Variants in GABRB1 observed in about 807,000 individuals in gnomAD.
The protein encoded by GABRB1 is gamma-aminobutyric acid type A receptor subunit beta1, also known as gamma-aminobutyric acid receptor subunit beta-1.
GABRB1 carries 17 observed loss-of-function variants against 51.6 expected under a neutral mutation model. That is an observed-to-expected ratio of 0.33 (90% CI 0.23 to 0.49). The LOEUF (loss-of-function observed/expected upper bound fraction) is 0.49. Among genes scored for constraint, GABRB1 ranks in the 20% least tolerant of loss-of-function variants. The pLI is 0.99. For missense variants in GABRB1, 410 were observed against 600.6 expected, an observed-to-expected ratio of 0.68 and a Z score of 3.32; for synonymous variants, 247 against 218.9, an observed-to-expected ratio of 1.13 and a Z score of -1.14.
At chr4:47,032,827 C>G (rs773921939) in intron 3 of GABRB1, 1 of 482,932 alleles carries the variant, frequency 2.1e-6, no homozygotes. Flanking sequence ...GGCAGCCGGG[C>G]GGCCTGCACT....
chr4:47,224,431 G>A (rs1247233362), intron 4 of GABRB1, among the ~76,000 whole-genome samples: 1 of 152,096 alleles, frequency 6.6e-6, no homozygotes, highest in African/African-American at 2.4e-5. Flanking sequence ...ACAAGAAAAA[G>A]TGAGGATTTG....
chr4:47,150,310 TCACA>T (rs36066411), intron 3 of GABRB1, among the ~76,000 whole-genome samples: 19,885 of 138,226 alleles, frequency 0.14, 1,565 homozygotes, highest in East Asian at 0.25. Context: ...TGAGAATCCA[TCACA>T]CACACACACA....
intron 3 of GABRB1, among the ~76,000 whole-genome samples, chr4:47,133,465 T>C (rs945289197): frequency 6.6e-6 from 1 of 152,358 alleles, no homozygotes; most frequent in Admixed American, 6.5e-5. Flanking sequence ...GGCTTCATTC[T>C]CATTAATTCC....
At chr4:47,402,551 T>TG (rs568296688) in intron 5 of GABRB1, among the ~76,000 whole-genome samples, 27 of 152,308 alleles carry the variant, frequency 1.8e-4, no homozygotes, top group Admixed American at 7.2e-4. Context: ...GCTAGACCAC[T>TG]GCCAGGTGGG....
At chr4:47,333,381 G>C (rs1383953193) in intron 5 of GABRB1, among the ~76,000 whole-genome samples, 2 of 151,788 alleles carry the variant, frequency 1.3e-5, no homozygotes, top group Non-Finnish European at 2.9e-5. Context: ...AATAAAGCAA[G>C]TTAAAATGTA....
intron 3 of GABRB1, among the ~76,000 whole-genome samples, chr4:47,119,185 G>A (rs1715638236): frequency 6.6e-6 from 1 of 151,880 alleles, no homozygotes; most frequent in East Asian, 1.9e-4. Context: ...AATCAGAAGG[G>A]GAAGATTGAC....
In GABRB1 at chr4:47,023,827, G is replaced by T. The variant is rs557868473; in HGVS notation, c.-19-8087G>T. Among the ~76,000 whole-genome samples the T allele has an allele frequency of 2.4e-4, 37 of 151,800 alleles. No individual in the cohort carries two copies. In the South Asian group the frequency reaches 6.4e-3, roughly 26 times the overall value. ...CAACACAAATTAAAAACAGAAAAATGAAAAAAATTGAGTAAGGGTGTAAAC... is the reference window on the plus strand; with the variant it reads ...CAACACAAATTAAAAACAGAAAAATTAAAAAAATTGAGTAAGGGTGTAAAC... On this transcript the variant is annotated intron_variant, in intron 1 of 3. Coordinates refer to the GABRB1 transcript ENST00000513567.
chr4:47,061,220 C>CT (rs1726833578), intron 3 of GABRB1, among the ~76,000 whole-genome samples: 1 of 152,138 alleles, frequency 6.6e-6, no homozygotes, highest in East Asian at 1.9e-4. Context: ...TAAAAAGTGA[C>CT]TTTTTTCTTT....
intron 4 of GABRB1, among the ~76,000 whole-genome samples, chr4:47,284,810 C>T (rs1723446185): frequency 1.3e-5 from 2 of 152,150 alleles, no homozygotes; most frequent in African/African-American, 4.8e-5. Context: ...AAGGTATTCT[C>T]AAACCAGACA....
intron 4 of GABRB1, among the ~76,000 whole-genome samples, chr4:47,173,037 C>T (rs1215083900): frequency 1.3e-5 from 2 of 152,156 alleles, no homozygotes; most frequent in African/African-American, 4.8e-5. Flanking sequence ...CCATTTTCTT[C>T]TATTTGCAAA....
chr4:47,297,906 T>C (rs900437540), intron 4 of GABRB1, among the ~76,000 whole-genome samples: 4 of 152,242 alleles, frequency 2.6e-5, no homozygotes, highest in Non-Finnish European at 5.9e-5. Context: ...TCAAGTGGGC[T>C]TCATCCCTGG....
chr4:47,250,792 C>T (rs1288644714), intron 4 of GABRB1, among the ~76,000 whole-genome samples: 1 of 152,080 alleles, frequency 6.6e-6, no homozygotes, highest in Non-Finnish European at 1.5e-5. Context: ...CCAATGTTTC[C>T]TGAATTTTTG....
At chr4:47,285,916 A>C (rs1723494149) in intron 4 of GABRB1, among the ~76,000 whole-genome samples, 1 of 152,236 alleles carries the variant, frequency 6.6e-6, no homozygotes, top group South Asian at 2.1e-4. Context: ...TGCTAGGGAA[A>C]AGGGAGGAAG....
At chr4:47,347,854 T>A (rs947286099) in intron 5 of GABRB1, among the ~76,000 whole-genome samples, 36 of 152,240 alleles carry the variant, frequency 2.4e-4, no homozygotes, top group African/African-American at 8.7e-4. Context: ...GAAAAAGTGT[T>A]ACAGACAACA....
intron 1 of GABRB1, among the ~76,000 whole-genome samples, chr4:47,018,506 A>G (rs1340881099): frequency 2.6e-5 from 4 of 152,162 alleles, no homozygotes; most frequent in African/African-American, 4.8e-5. Context: ...TTTTTACAAT[A>G]TAGAAGTTAG....
At chr4:47,270,672 A>G (rs1722837906) in intron 4 of GABRB1, among the ~76,000 whole-genome samples, 1 of 152,206 alleles carries the variant, frequency 6.6e-6, no homozygotes, top group Non-Finnish European at 1.5e-5. Context: ...AGCTAGCTGA[A>G]ATGTTTCCAT....
At chr4:47,312,058 T>C (rs1724707785) in intron 4 of GABRB1, among the ~76,000 whole-genome samples, 2 of 144,298 alleles carry the variant, frequency 1.4e-5, no homozygotes, top group African/African-American at 4.9e-5. Context: ...TGTGTGTGTG[T>C]GTGTGTGTGT....
At chr4:47,345,212 A>G (rs1726046282) in intron 5 of GABRB1, among the ~76,000 whole-genome samples, 1 of 152,180 alleles carries the variant, frequency 6.6e-6, no homozygotes, top group African/African-American at 2.4e-5. Context: ...TATTTCATTA[A>G]TCCATTCAAC....
At chr4:47,005,335 G>A (rs781712583) in intron 1 of GABRB1, among the ~76,000 whole-genome samples, 1 of 152,210 alleles carries the variant, frequency 6.6e-6, no homozygotes, top group Non-Finnish European at 1.5e-5. Flanking sequence ...GGAGAATGGC[G>A]TGAACCCGAG....
Sources: gnomAD v4.1 joint callset for allele counts (sites outside exome capture counted in the v4.1 genomes callset) on GRCh38, gnomAD v4.1.1 for gene constraint, MANE v1.5 for transcripts, NCBI Gene and HGNC (gene_info 2026-07-23, HGNC 2026-07-21) for gene names.